Variants in QTMAN observed in about 807,000 individuals in gnomAD.
The protein encoded by QTMAN is queuosine-tRNA mannosyltransferase.
chr2:143,966,765 T>C, the QTMAN span, among the ~76,000 whole-genome samples: 1 of 152,272 alleles, frequency 6.6e-6, no homozygotes, highest in Non-Finnish European at 1.5e-5. Flanking sequence ...ACAAAAACTT[T>C]GTAACAACAT....
At chr2:144,049,562 T>C in the QTMAN span, among the ~76,000 whole-genome samples, 3 of 152,156 alleles carry the variant, frequency 2.0e-5, no homozygotes, top group African/African-American at 7.2e-5. Flanking sequence ...AACCCTAACC[T>C]TTAGTGAGCA....
the QTMAN span, among the ~76,000 whole-genome samples, chr2:144,130,098 A>G: frequency 7.3e-5 from 11 of 151,574 alleles, no homozygotes; most frequent in African/African-American, 2.7e-4. Context: ...TCTGGAAAAA[A>G]AAAAAAAAAA....
At chr2:143,991,909 T>C in the QTMAN span, among the ~76,000 whole-genome samples, 2 of 106,972 alleles carry the variant, frequency 1.9e-5, no homozygotes, top group South Asian at 6.3e-4. Context: ...GGGAGGGAGG[T>C]GGGGGGGTCA....
At chr2:144,213,021 T>C in the QTMAN span, among the ~76,000 whole-genome samples, 1 of 152,128 alleles carries the variant, frequency 6.6e-6, no homozygotes, top group African/African-American at 2.4e-5. Flanking sequence ...ATATTCATAA[T>C]CGAAAGGGGA....
the QTMAN span, among the ~76,000 whole-genome samples, chr2:144,158,086 C>G: frequency 1.3e-5 from 2 of 152,002 alleles, no homozygotes; most frequent in Admixed American, 6.6e-5. Context: ...TCCTCCCTTA[C>G]TAGGTTCCCA....
the QTMAN span, among the ~76,000 whole-genome samples, chr2:144,235,085 C>T: frequency 1.3e-5 from 2 of 152,142 alleles, no homozygotes; most frequent in Non-Finnish European, 1.5e-5. Context: ...GGACATACTG[C>T]TGATGGTATT....
the QTMAN span, among the ~76,000 whole-genome samples, chr2:144,196,341 CAA>C: frequency 3.1e-4 from 47 of 151,584 alleles, no homozygotes; most frequent in African/African-American, 1.1e-3. Context: ...AAAATAATGA[CAA>C]AAACTAATTC....
At chr2:144,165,450 C>A in the QTMAN span, among the ~76,000 whole-genome samples, 1 of 152,016 alleles carries the variant, frequency 6.6e-6, no homozygotes, top group Non-Finnish European at 1.5e-5. Context: ...AATTTTGGTT[C>A]TTGGGTCAAG....
At chr2:144,111,285 C>G in the QTMAN span, among the ~76,000 whole-genome samples, 1 of 152,166 alleles carries the variant, frequency 6.6e-6, no homozygotes, top group East Asian at 1.9e-4. Flanking sequence ...CTGGCTATAA[C>G]CATCCTAACT....
the QTMAN span, among the ~76,000 whole-genome samples, chr2:144,138,983 G>T: frequency 0.047 from 7,215 of 151,998 alleles, 559 homozygotes; most frequent in African/African-American, 0.16. Context: ...CAGACGAGGG[G>T]TTTTGCCAAT....
At chr2:144,021,914 T>C in the QTMAN span, among the ~76,000 whole-genome samples, 1 of 152,058 alleles carries the variant, frequency 6.6e-6, no homozygotes, top group African/African-American at 2.4e-5. Context: ...AACACAATCA[T>C]TTCCAAAGGC....
At chr2:144,215,273 TACACACACAC>T in the QTMAN span, among the ~76,000 whole-genome samples, 26 of 143,866 alleles carry the variant, frequency 1.8e-4, no homozygotes, top group Non-Finnish European at 3.2e-4. Flanking sequence ...TATATATATA[TACACACACAC>T]ACACACACAC....
chr2:144,309,493 T>C, the QTMAN span, among the ~76,000 whole-genome samples: 43 of 152,200 alleles, frequency 2.8e-4, no homozygotes, highest in Non-Finnish European at 7.3e-5. Flanking sequence ...AAAAACATCA[T>C]GCTCTAAAGA....
At chr2:144,116,556 G>A in the QTMAN span, among the ~76,000 whole-genome samples, 1 of 152,062 alleles carries the variant, frequency 6.6e-6, no homozygotes, top group Non-Finnish European at 1.5e-5. Flanking sequence ...TGCCTTCAAG[G>A]ACCAGTGGAC....
the QTMAN span, among the ~76,000 whole-genome samples, chr2:144,252,971 G>A: frequency 6.6e-6 from 1 of 152,160 alleles, no homozygotes; most frequent in East Asian, 1.9e-4. Context: ...ATATGGTTTG[G>A]CTGTGCTCTC....
the QTMAN span, among the ~76,000 whole-genome samples, chr2:144,186,296 T>A: frequency 6.6e-6 from 1 of 152,172 alleles, no homozygotes; most frequent in Non-Finnish European, 1.5e-5. Context: ...TCATGCCCTG[T>A]TTTATAAGAG....
At chr2:144,036,633 G>A in the QTMAN span, among the ~76,000 whole-genome samples, 1 of 151,990 alleles carries the variant, frequency 6.6e-6, no homozygotes, top group Non-Finnish European at 1.5e-5. Flanking sequence ...TACATATTTG[G>A]TACCATATAC....
the QTMAN span, chr2:144,145,736 G>C: frequency 1.2e-6 from 2 of 1,606,400 alleles, no homozygotes; most frequent in South Asian, 1.1e-5. Flanking sequence ...TTGCAAAGAG[G>C]GTCCTAGGAA....
chr2:144,257,141 G>C, the QTMAN span, among the ~76,000 whole-genome samples: 1 of 134,594 alleles, frequency 7.4e-6, no homozygotes, highest in Admixed American at 7.4e-5. Flanking sequence ...ATAAAACAAA[G>C]ACACAGCCAT....
Sources: allele counts gnomAD v4.1 joint callset (sites outside exome capture counted in the v4.1 genomes callset), GRCh38; gene constraint gnomAD v4.1.1; transcripts MANE v1.5; gene names NCBI Gene and HGNC (gene_info 2026-07-23, HGNC 2026-07-21).